STARD13: variants seen among roughly 807,000 people sequenced by gnomAD.
The protein encoded by STARD13 is stAR-related lipid transfer protein 13.
STARD13 carries 62 observed loss-of-function variants against 106.4 expected under a neutral mutation model. The ratio of observed to expected loss-of-function variants is 0.58; its 90% CI spans 0.48 to 0.72. STARD13 has a LOEUF of 0.72. Among genes scored for constraint, STARD13 ranks in the 30% least tolerant of loss-of-function variants. The pLI, the probability that STARD13 is intolerant of heterozygous loss-of-function variation, is 0.00. For missense variants in STARD13, 1,387 were observed against 1,424.0 expected, an observed-to-expected ratio of 0.97 and a Z score of 0.42; for synonymous variants, 565 against 553.0, an observed-to-expected ratio of 1.02 and a Z score of -0.31.
chr13:33,405,509 A>G, the STARD13 span, among the ~76,000 whole-genome samples: 1 of 152,242 alleles, frequency 6.6e-6, no homozygotes, highest in Non-Finnish European at 1.5e-5. Flanking sequence ...CTGCTCTGAG[A>G]ATCGTTGAAG....
the STARD13 span, among the ~76,000 whole-genome samples, chr13:33,452,365 C>T: frequency 1.3e-5 from 2 of 152,060 alleles, no homozygotes; most frequent in Admixed American, 1.3e-4. Flanking sequence ...TCAGGGGAAA[C>T]CTATTTTCCA....
At chr13:33,185,809 C>G in intron 1 of STARD13, 6 of 1,528,790 alleles carry the variant, frequency 3.9e-6, no homozygotes, top group Non-Finnish European at 5.4e-6. Context: ...TGAGGCCATG[C>G]AAGGCTAAGT....
chr13:33,583,806 A>T, the STARD13 span, among the ~76,000 whole-genome samples: 3 of 149,258 alleles, frequency 2.0e-5, no homozygotes, highest in South Asian at 4.2e-4. Context: ...CATCATAACA[A>T]TTTTTTTTTT....
intron 3 of STARD13, among the ~76,000 whole-genome samples, chr13:33,145,911 A>T (rs1409320806): frequency 1.3e-5 from 2 of 152,192 alleles, no homozygotes; most frequent in Non-Finnish European, 2.9e-5. Context: ...ACGGCTGGGC[A>T]TGGTGGCTCA....
chr13:33,300,528 G>A (rs979108257), intron 1 of STARD13, among the ~76,000 whole-genome samples: 1 of 152,186 alleles, frequency 6.6e-6, no homozygotes, highest in Non-Finnish European at 1.5e-5. Context: ...AGTATTTTAT[G>A]ACTGCAGGAT....
At position 33,163,730 on chromosome 13, in the gene STARD13, AAAACATATATATAT is replaced by A. The variant is rs1445111613; in HGVS notation, c.323+1593_323+1606del. 6.4e-5 allele frequency among the ~76,000 whole-genome samples: 9 copies of A among 139,906 alleles called. 1 individual carries two copies. The highest frequency in any genetic ancestry group is 1.8e-4 in the African/African-American group (7 of 38,652). 91.8% of individuals were successfully genotyped at this position (139,906 alleles called of 152,430 possible). A position where few individuals can be genotyped will look rare whatever the true frequency, so the allele number is the denominator to read the frequency against. On this transcript the variant is annotated intron_variant, in intron 3 of 13. Coordinates refer to ENST00000336934, the MANE Select transcript of STARD13 (RefSeq NM_178006.4). ...TATAAAACATATATATAACATATAT[AAAACATATATATAT>A]AACATATATATATAACATATATATA...
the STARD13 span, among the ~76,000 whole-genome samples, chr13:33,476,912 G>T: frequency 6.6e-6 from 1 of 152,158 alleles, no homozygotes; most frequent in African/African-American, 2.4e-5. Flanking sequence ...CCTGGGAGAA[G>T]GTGACACCAA....
intron 1 of STARD13, among the ~76,000 whole-genome samples, chr13:33,329,867 C>T (rs747561839): frequency 2.0e-5 from 3 of 151,994 alleles, no homozygotes; most frequent in African/African-American, 4.8e-5. Context: ...CCATGCCTGG[C>T]TAATTTTTGT....
At chr13:33,135,668 C>T (rs559397541) in intron 4 of STARD13, among the ~76,000 whole-genome samples, 1 of 152,090 alleles carries the variant, frequency 6.6e-6, no homozygotes, top group Non-Finnish European at 1.5e-5. Flanking sequence ...AAAAGGAATA[C>T]CCTAAACTTT....
At chr13:33,305,818 C>A (rs1369584627) in intron 1 of STARD13, among the ~76,000 whole-genome samples, 2 of 152,166 alleles carry the variant, frequency 1.3e-5, no homozygotes, top group Non-Finnish European at 2.9e-5. Flanking sequence ...CTGTGCTTAT[C>A]TTATACCCAT....
At chr13:33,522,394 G>C in the STARD13 span, among the ~76,000 whole-genome samples, 1 of 151,938 alleles carries the variant, frequency 6.6e-6, no homozygotes, top group Middle Eastern at 3.2e-3. Context: ...ATTACACAAA[G>C]CCCATAGTGT....
chr13:33,608,350 T>C, the STARD13 span, among the ~76,000 whole-genome samples: 3 of 152,312 alleles, frequency 2.0e-5, no homozygotes, highest in South Asian at 4.1e-4. Context: ...ATAGTCTCAA[T>C]AGGCATTTTT....
At chr13:33,525,716 G>T in the STARD13 span, among the ~76,000 whole-genome samples, 1 of 152,074 alleles carries the variant, frequency 6.6e-6, no homozygotes, top group Admixed American at 6.6e-5. Flanking sequence ...TCTGGAGAAA[G>T]TATCAGATCT....
At chr13:33,161,247 T>G (rs1882590352) in intron 3 of STARD13, among the ~76,000 whole-genome samples, 1 of 151,988 alleles carries the variant, frequency 6.6e-6, no homozygotes, top group Non-Finnish European at 1.5e-5. Context: ...TTTGCTAGAG[T>G]TTGGGAGTAG....
At chr13:33,589,808 A>G in the STARD13 span, among the ~76,000 whole-genome samples, 1 of 152,152 alleles carries the variant, frequency 6.6e-6, no homozygotes, top group Non-Finnish European at 1.5e-5. Context: ...GTAGATGTCT[A>G]TTAGGTCTGC....
rs539155379 is a variant in STARD13 at position 33,129,993 on chromosome 13, G to A, written c.684C>T (p.Val228=). Reference sequence around the variant, plus strand: ...TGGGGGGCTGTGGGAGGCTGCTGCTGACGAGTGGGGCATCCAGCATGACCG... The same window carrying A: ...TGGGGGGCTGTGGGAGGCTGCTGCTAACGAGTGGGGCATCCAGCATGACCG... The part of the protein sequence containing the change: ...DNPVMLDAPL[V]SSSLPQPPRD... Residue 228 remains valine, a synonymous_variant, in exon 5 of 14, where the codon GTC becomes GTT. Coordinates refer to ENST00000336934, the MANE Select transcript of STARD13 (RefSeq NM_178006.4). The A allele has an allele frequency of 7.4e-6, 12 of 1,613,176 alleles. No homozygotes were observed. The East Asian group carries it at 2.7e-4, about 36-fold the overall frequency.
intron 7 of STARD13, among the ~76,000 whole-genome samples, chr13:33,122,048 G>C (rs996446892): frequency 6.6e-6 from 1 of 152,128 alleles, no homozygotes; most frequent in African/African-American, 2.4e-5. Context: ...GTTTTACCAT[G>C]TTGGCCAGGC....
chr13:33,324,586 C>T lies in STARD13; in HGVS notation c.124+25704G>A, dbSNP rs188736146. 2.4e-3 allele frequency among the ~76,000 whole-genome samples: 360 copies of T among 152,236 alleles called. 2 individuals are homozygous for T. The highest frequency in any genetic ancestry group is 8.2e-3 in the African/African-American group (341 of 41,528). ...TATTTTAAAAAACAATTTGAAAATA[C>T]TCATGTAAATTATTCAGGGTAAGGG... On this transcript the variant is annotated intron_variant, in intron 1 of 5. Coordinates refer to the STARD13 transcript ENST00000567873.
chr13:33,573,437 C>G, the STARD13 span, among the ~76,000 whole-genome samples: 1 of 152,052 alleles, frequency 6.6e-6, no homozygotes, highest in Admixed American at 6.6e-5. Flanking sequence ...GTATTTATTC[C>G]ATTATAAACT....
Sources: gnomAD v4.1 joint callset for allele counts (sites outside exome capture counted in the v4.1 genomes callset) on GRCh38, gnomAD v4.1.1 for gene constraint, MANE v1.5 for transcripts, NCBI Gene and HGNC (gene_info 2026-07-23, HGNC 2026-07-21) for gene names.